NCOR2: variants seen among roughly 807,000 people sequenced by gnomAD.
The protein encoded by NCOR2 is CTG repeat protein 26.
NCOR2 carries 81 observed loss-of-function variants against 262.9 expected under a neutral mutation model. That is an observed-to-expected ratio of 0.31 (90% confidence interval 0.26 to 0.37). The LOEUF (loss-of-function observed/expected upper bound fraction) is 0.37. NCOR2 is among the 10% of genes least tolerant of loss of function. The pLI is 1.00. For synonymous variants in NCOR2, 1,659 were observed against 1,559.3 expected (o/e 1.06, Z -1.51); for missense variants, 3,385 against 3,621.4 (o/e 0.93, Z 1.68).
intron 10 of NCOR2, among the ~76,000 whole-genome samples, chr12:124,428,528 G>GC (rs1593492797): frequency 6.6e-6 from 1 of 152,132 alleles, no homozygotes; most frequent in African/African-American, 2.4e-5. Flanking sequence ...TAAACCAGCC[G>GC]CCCCCTCCCT....
chr12:124,377,549 A>T (rs1222435514), intron 18 of NCOR2, among the ~76,000 whole-genome samples: 1 of 152,174 alleles, frequency 6.6e-6, no homozygotes, highest in African/African-American at 2.4e-5. Flanking sequence ...GTCAAAAAAC[A>T]ATTTTCGGGC....
At chr12:124,496,744 G>C (rs2048401825), upstream of NCOR2, among the ~76,000 whole-genome samples, 1 of 151,866 alleles carries the variant, frequency 6.6e-6, no homozygotes, top group African/African-American at 2.4e-5. This position sits in a 1 kb window ranked among gnomAD's most constrained non-coding sequence, Gnocchi z 4.4. Flanking sequence ...CCCTCCCCAG[G>C]TGCCAGGGAT....
chr12:124,444,504 C>A (rs2136461937), intron 7 of NCOR2, among the ~76,000 whole-genome samples: 1 of 152,074 alleles, frequency 6.6e-6, no homozygotes, highest in East Asian at 1.9e-4. Context: ...AGCTTGGGGG[C>A]AATCAGGGGA....
In NCOR2 at chr12:124,457,781, A is replaced by G. The variant is rs1303841277; in HGVS notation, c.706-619T>C. Among the ~76,000 whole-genome samples the G allele has an allele frequency of 6.6e-6, 1 of 151,672 alleles. No homozygotes were observed. Among genetic ancestry groups the G allele is most frequent in the Non-Finnish European group, 1.5e-5 (1 of 67,874 alleles). On this transcript the variant is annotated intron_variant, in intron 5 of 46. Coordinates refer to ENST00000405201, the Ensembl canonical transcript of NCOR2. This position sits in a 1 kb window ranked among gnomAD's most constrained non-coding sequence, Gnocchi z 4.0. ...GCAGGGCTCGGTGGCCGCTCCATCAATAGGCTGGACCTCCGGGCCCCCACC... is the reference window on the plus strand; with the variant it reads ...GCAGGGCTCGGTGGCCGCTCCATCAGTAGGCTGGACCTCCGGGCCCCCACC...
At chr12:124,333,028 T>G in intron 42 of NCOR2, 102 bp downstream of exon 44, 1 of 1,451,012 alleles carries the variant, frequency 6.9e-7, no homozygotes, top group Non-Finnish European at 9.2e-7. Flanking sequence ...CTGAGCCCTG[T>G]GCCCTTGTCA....
At chr12:124,351,391 G>C (rs1462210037) in intron 27 of NCOR2, among the ~76,000 whole-genome samples, 1 of 152,072 alleles carries the variant, frequency 6.6e-6, no homozygotes, top group African/African-American at 2.4e-5. Flanking sequence ...CTGTGGGGCT[G>C]TCCTGTGCAC....
Position 124,457,945 on chromosome 12 carries a change from G to A in NCOR2, c.706-783C>T, listed in dbSNP as rs1170572090. ...GTACAGGGAGGTGGGGGGCGGAGGGGCTCCTGAAGGTGGCTTCATGGGGGC... is the reference window on the plus strand; with the variant it reads ...GTACAGGGAGGTGGGGGGCGGAGGGACTCCTGAAGGTGGCTTCATGGGGGC... On this transcript the variant is annotated intron_variant, in intron 5 of 46. Transcript: ENST00000405201. This position sits in a 1 kb window ranked among gnomAD's most constrained non-coding sequence, Gnocchi z 4.0. Among the ~76,000 whole-genome samples the A allele has an allele frequency of 6.6e-6, 1 of 152,208 alleles. No individual in the cohort carries two copies. The highest frequency in any genetic ancestry group is 6.5e-5 in the Admixed American group (1 of 15,290).
exon 44 of NCOR2, chr12:124,330,898 T>A (rs1469850631): frequency 6.3e-7 from 1 of 1,579,930 alleles, no homozygotes; most frequent in Admixed American, 1.8e-5. Flanking sequence ...CTGGCTGATA[T>A]CTGGAAGCGG....
At chr12:124,437,720 C>T (rs1421798689) in intron 8 of NCOR2, among the ~76,000 whole-genome samples, 4 of 151,876 alleles carry the variant, frequency 2.6e-5, no homozygotes, top group Non-Finnish European at 4.4e-5. Flanking sequence ...GGCCATAGAG[C>T]CCCCCCACCC....
intron 1 of NCOR2, among the ~76,000 whole-genome samples, chr12:124,551,285 GTCAATACTCGA>G (rs2051705774): frequency 6.6e-6 from 1 of 152,190 alleles, no homozygotes; most frequent in Admixed American, 6.5e-5. Flanking sequence ...ATACAAAGCT[GTCAATACTCGA>G]CCACTTTTGA....
chr12:124,335,026 C>A, intron 40 of NCOR2, 109 bp downstream of exon 42: 1 of 1,557,070 alleles, frequency 6.4e-7, no homozygotes, highest in East Asian at 2.3e-5. Flanking sequence ...CCCTGGATCC[C>A]CCAGCCACCC....
chr12:124,344,754 C>A (rs1206618161), exon 32 of NCOR2: 1 of 1,548,316 alleles, frequency 6.5e-7, no homozygotes, highest in Admixed American at 2.0e-5. Flanking sequence ...CAATGGAGCC[C>A]CCCGAGCTGC....
chr12:124,339,971 C>A (rs372386085), intron 37 of NCOR2, 35 bp downstream of exon 39: 1 of 1,607,538 alleles, frequency 6.2e-7, no homozygotes. Context: ...ACCCATCCAC[C>A]TGCCCGCCCC....
intron 34 of NCOR2, 59 bp from the exon 37 acceptor site, chr12:124,340,810 A>G (rs2036394015): frequency 7.0e-7 from 1 of 1,425,662 alleles, no homozygotes; most frequent in Non-Finnish European, 9.1e-7. Flanking sequence ...CAGGCTGCCC[A>G]CCGGCCAGAT....
At position 124,371,910 on chromosome 12, in the gene NCOR2, G is replaced by A. The variant is rs1179197652; in HGVS notation, c.2807+112C>T. 25 of 1,098,628 alleles carry A rather than the reference G, an allele frequency of 2.3e-5. No individual in the cohort carries two copies. In the Admixed American group the frequency reaches 3.8e-4, roughly 17 times the overall value. 68.1% of individuals were successfully genotyped at this position (1,098,628 alleles called of 1,614,324 possible). On this transcript the variant is annotated intron_variant, in intron 20 of 46. Coordinates refer to ENST00000405201, the Ensembl canonical transcript of NCOR2. ...AAGTCTGCCTCCCTAACCACACCTC[G>A]GGCTCCCCCAAAGCAGGCAGAGCCA...
upstream of NCOR2, among the ~76,000 whole-genome samples, chr12:124,537,564 T>C (rs1242188045): frequency 2.0e-5 from 3 of 152,210 alleles, no homozygotes; most frequent in Non-Finnish European, 4.4e-5. Context: ...ATGGAAACGA[T>C]CATTTTAAAA....
intron 28 of NCOR2, among the ~76,000 whole-genome samples, chr12:124,350,282 C>T (rs761398904): frequency 2.0e-5 from 3 of 152,120 alleles, no homozygotes; most frequent in Non-Finnish European, 2.9e-5. Context: ...TTTGTCAGTA[C>T]GGTGCTGGAG....
At chr12:124,337,961 C>A (rs958064849) in intron 37 of NCOR2, among the ~76,000 whole-genome samples, 1 of 152,228 alleles carries the variant, frequency 6.6e-6, no homozygotes, top group South Asian at 2.1e-4. Context: ...ATTTTTGAAT[C>A]GGCTGTCACG....
At chr12:124,554,027 C>T (rs2051802232) in intron 1 of NCOR2, among the ~76,000 whole-genome samples, 1 of 152,218 alleles carries the variant, frequency 6.6e-6, no homozygotes, top group Non-Finnish European at 1.5e-5. Flanking sequence ...TGACTACGCT[C>T]TCACAAACCC....
Sources: gnomAD v4.1 joint callset for allele counts (sites outside exome capture counted in the v4.1 genomes callset) on GRCh38, gnomAD v4.1.1 for gene constraint, Gnocchi (gnomAD v3.1) non-coding constraint, MANE v1.5 for transcripts, NCBI Gene and HGNC (gene_info 2026-07-23, HGNC 2026-07-21) for gene names.